Variants in SDCBP observed in about 807,000 individuals in gnomAD.
SDCBP encodes the protein syndecan binding protein.
A neutral mutation model predicts 30.5 loss-of-function variants in SDCBP; 22 were observed. The observed-to-expected ratio is 0.72, with a 90% confidence interval of 0.52 to 1.03. The LOEUF (loss-of-function observed/expected upper bound fraction) is 1.03, where lower values mean the gene tolerates loss of function less well. Among genes scored for constraint, SDCBP ranks in the 50% least tolerant of loss-of-function variants. SDCBP has a pLI of 0.00. For synonymous variants in SDCBP, 103 were observed against 118.7 expected (o/e 0.87, Z 0.86); for missense variants, 304 against 369.9 (o/e 0.82, Z 1.46).
At chr8:58,560,923 G>C (rs1804401923) in intron 1 of SDCBP, 1 of 152,162 alleles carries the variant, frequency 6.6e-6, no homozygotes, top group African/African-American at 2.4e-5. Flanking sequence ...AGGAAACACA[G>C]ATATCTTCAT....
At chr8:58,554,205 C>A (rs969390415) in intron 1 of SDCBP, among the ~76,000 whole-genome samples, 3 of 152,178 alleles carry the variant, frequency 2.0e-5, no homozygotes, top group Admixed American at 2.0e-4. Flanking sequence ...GCTCGGCTTA[C>A]CAAACTCTTA....
At chr8:58,562,688 G>T (rs1804501833) in intron 1 of SDCBP, among the ~76,000 whole-genome samples, 1 of 152,110 alleles carries the variant, frequency 6.6e-6, no homozygotes, top group African/African-American at 2.4e-5. Context: ...ACATAAAATA[G>T]ATCAAAGATA....
At position 58,575,620 on chromosome 8, in the gene SDCBP, G is replaced by A. The variant is rs139266407; in HGVS notation, c.241-280G>A. 5.3e-3 allele frequency among the ~76,000 whole-genome samples: 804 copies of A among 152,246 alleles called. 9 individuals are homozygous for A. The highest frequency in any genetic ancestry group is 0.018 in the African/African-American group (752 of 41,540). ...TTAAGTTCAAAGATAATAAATTTGA[G>A]ATGAAGACAAGCCAGTATACCGGTG... On this transcript the variant is annotated intron_variant, in intron 4 of 8. Transcript: ENST00000260130.
rs1430532079 is a variant in SDCBP, at chr8:58,572,289, T to C, written c.215T>C (p.Val72Ala). 10 of 1,611,006 alleles carry C rather than the reference T, an allele frequency of 6.2e-6. No homozygotes were observed. The highest frequency in any genetic ancestry group is 8.5e-6 in the Non-Finnish European group (10 of 1,178,196). ...GAAGAAATACGTGCAAATGTGGCCG[T>C]GGTTTCTGGTGCACCACTTCAGGGG... ...NEEEIRANVAVVSGAPLQGQL... is the reference protein window; with the variant it reads ...NEEEIRANVAAVSGAPLQGQL... Residue 72 changes from valine (V) to alanine (A), a missense_variant, in exon 4 of 9, where the codon GTG (valine) becomes GCG (alanine). Val to Ala is a moderately conservative substitution (Grantham distance 64). Transcript: ENST00000260130.
Position 58,581,985 on chromosome 8 carries a change from A to G in SDCBP, c.*245A>G. 2.1e-6 allele frequency: 1 copy of G among 483,284 alleles called. No homozygotes were observed. The highest frequency in any genetic ancestry group is 3.7e-6 in the Non-Finnish European group (1 of 267,984). 29.9% of individuals were successfully genotyped at this position (483,284 alleles called of 1,614,324 possible). A position where few individuals can be genotyped will look rare whatever the true frequency, so the allele number is the denominator to read the frequency against. ...TCAAGAGATTTACTGACTTTCCTAGAATAGTTTCTCTACTGGAAACCTGAT... is the reference window on the plus strand; with the variant it reads ...TCAAGAGATTTACTGACTTTCCTAGGATAGTTTCTCTACTGGAAACCTGAT... On this transcript the variant is annotated 3_prime_UTR_variant, in exon 9 of 9. Transcript: ENST00000260130.
At chr8:58,581,290 A>G (rs2129608510) in intron 8 of SDCBP, among the ~76,000 whole-genome samples, 1 of 152,310 alleles carries the variant, frequency 6.6e-6, no homozygotes, top group South Asian at 2.1e-4. Flanking sequence ...GAATGCACCT[A>G]GCTACCCTTG....
intron 7 of SDCBP, 63 bp downstream of exon 7, chr8:58,579,857 T>C (rs1805584287): frequency 6.9e-7 from 1 of 1,451,506 alleles, no homozygotes; most frequent in African/African-American, 1.4e-5. Context: ...CTTTTGACTG[T>C]ATTTAGGTGG....
chr8:58,553,807 G>A (rs904036573), intron 1 of SDCBP, among the ~76,000 whole-genome samples: 6 of 152,242 alleles, frequency 3.9e-5, no homozygotes, highest in African/African-American at 1.4e-4. Flanking sequence ...GATTTGAAAG[G>A]AGGAAGGAAG....
In SDCBP at chr8:58,581,677, C is replaced by A. The variant is rs763943962; in HGVS notation, c.843-9C>A. ...ATCTCGGTATATAATAAAAGTACCT[C>A]TCTTGTAGGATGGCACCAAGCATTA... On this transcript the variant is annotated splice_polypyrimidine_tract_variant and intron_variant, in intron 8 of 8. Coordinates refer to ENST00000260130, the MANE Select transcript of SDCBP (RefSeq NM_005625.4). 1.0e-5 allele frequency: 16 copies of A among 1,607,962 alleles called. No homozygotes were observed. The highest frequency in any genetic ancestry group is 1.3e-5 in the Non-Finnish European group (15 of 1,174,684).
chr8:58,563,716 TAAG>T (rs1251573860), intron 1 of SDCBP, among the ~76,000 whole-genome samples: 1 of 152,190 alleles, frequency 6.6e-6, no homozygotes, highest in East Asian at 1.9e-4. Context: ...AGACAACTTT[TAAG>T]AATACTGTAA....
At chr8:58,572,685 T>G (rs964269494) in intron 4 of SDCBP, among the ~76,000 whole-genome samples, 3 of 152,128 alleles carry the variant, frequency 2.0e-5, no homozygotes, top group Non-Finnish European at 4.4e-5. Flanking sequence ...CCTTCATTAT[T>G]ATAGTACTCT....
At chr8:58,558,218 T>C (rs998895154) in intron 1 of SDCBP, among the ~76,000 whole-genome samples, 2 of 152,216 alleles carry the variant, frequency 1.3e-5, no homozygotes, top group South Asian at 2.1e-4. Context: ...TTTAAAGATA[T>C]CTTATTTACT....
At chr8:58,562,585 A>G (rs1008317066) in intron 1 of SDCBP, among the ~76,000 whole-genome samples, 3 of 152,298 alleles carry the variant, frequency 2.0e-5, no homozygotes, top group Non-Finnish European at 4.4e-5. Context: ...ACAATTCAAA[A>G]ATGTTATTTT....
intron 2 of SDCBP, among the ~76,000 whole-genome samples, chr8:58,569,835 T>A (rs1173470328): frequency 6.6e-6 from 1 of 152,186 alleles, no homozygotes; most frequent in Admixed American, 6.5e-5. Context: ...AAATCTAGAA[T>A]GTTTAACAAA....
At chr8:58,575,769 C>CT in intron 4 of SDCBP, 131 bp from the exon 5 acceptor site, 1 of 722,998 alleles carries the variant, frequency 1.4e-6, no homozygotes, top group Non-Finnish European at 2.3e-6. Flanking sequence ...AGACATCAAA[C>CT]TTTATCGGAA....
chr8:58,557,416 TATA>T (rs1034315984), intron 1 of SDCBP, among the ~76,000 whole-genome samples: 14 of 142,284 alleles, frequency 9.8e-5, no homozygotes, highest in East Asian at 8.1e-4. Flanking sequence ...TATAATGTAA[TATA>T]ATATATATTA....
intron 1 of SDCBP, among the ~76,000 whole-genome samples, chr8:58,558,725 A>C (rs1483727707): frequency 1.3e-5 from 2 of 152,168 alleles, no homozygotes; most frequent in South Asian, 2.1e-4. Flanking sequence ...ATAATATCCA[A>C]CTGAAGCCTT....
chr8:58,580,569 C>T lies in SDCBP; in HGVS notation c.803C>T (p.Thr268Ile). The change falls in exon 8 of 9, where the codon ACA becomes ATA. Residue 268 changes from threonine (T) to isoleucine (I), a missense_variant. Physicochemically the swap from Thr to Ile is moderately conservative, Grantham distance 89 (BLOSUM62 -1). Coordinates refer to ENST00000260130, the MANE Select transcript of SDCBP (RefSeq NM_005625.4). ...ACATCTGGGACTGTAGTTACTATTA[C>T]AATCATGCCTGCTTTTATCTTTGAA... ...LSTSGTVVTI[T>I]IMPAFIFEHI... is the part of the protein sequence containing the mutation. 2 of 1,593,590 alleles carry T rather than the reference C, an allele frequency of 1.3e-6. No homozygotes were observed. The highest frequency in any genetic ancestry group is 2.7e-5 in the African/African-American group (2 of 74,602).
intron 6 of SDCBP, 22 bp downstream of exon 6, chr8:58,578,230 C>T (rs1805459563): frequency 6.9e-7 from 1 of 1,458,152 alleles, no homozygotes; most frequent in Non-Finnish European, 9.1e-7. Context: ...CTAAACAGCT[C>T]AAATGAAAAT....
Sources: allele counts gnomAD v4.1 joint callset (sites outside exome capture counted in the v4.1 genomes callset), GRCh38; gene constraint gnomAD v4.1.1; transcripts MANE v1.5; gene names NCBI Gene and HGNC (gene_info 2026-07-23, HGNC 2026-07-21).